HEXB: variants seen among roughly 807,000 people sequenced by gnomAD.
HEXB encodes beta-hexosaminidase subunit beta.
In HEXB, 51 loss-of-function variants were observed where a neutral mutation model predicts 71.2. That is an observed-to-expected ratio of 0.72 (90% CI 0.57 to 0.90). HEXB has a LOEUF of 0.90. HEXB is among the 40% of genes least tolerant of loss of function. HEXB has a pLI of 0.00. For missense variants in HEXB, 617 were observed against 677.0 expected (o/e 0.91, Z 0.98); for synonymous variants, 266 against 249.3 (o/e 1.07, Z -0.63).
chr5:74,661,426 T>A (rs1030809449), intron 1 of HEXB, among the ~76,000 whole-genome samples: 25 of 152,214 alleles, frequency 1.6e-4, no homozygotes, highest in Admixed American at 4.6e-4. Flanking sequence ...CATATTTTTT[T>A]AAATAATATT....
intron 1 of HEXB, among the ~76,000 whole-genome samples, chr5:74,663,203 G>GGGGT (rs1748361920): frequency 6.8e-6 from 1 of 146,652 alleles, no homozygotes; most frequent in Non-Finnish European, 1.5e-5. Flanking sequence ...GGGGGGTGGA[G>GGGGT]TGCGGTGGCG....
chr5:74,665,275 G>A (rs1366756406), intron 1 of HEXB, among the ~76,000 whole-genome samples: 4 of 152,136 alleles, frequency 2.6e-5, no homozygotes, highest in African/African-American at 7.2e-5. Context: ...AAAATGAAAA[G>A]TACATAAGTA....
At chr5:74,691,163 T>C (rs1470033349) in intron 2 of HEXB, among the ~76,000 whole-genome samples, 1 of 152,174 alleles carries the variant, frequency 6.6e-6, no homozygotes, top group Non-Finnish European at 1.5e-5. Flanking sequence ...AATAAACTAG[T>C]TTTTAGTCTT....
Position 74,720,664 on chromosome 5 carries a change from TGA to T in HEXB, c.1535_1536del (p.Arg512ThrfsTer12), listed in dbSNP as rs794727091. ...RLWPRASAVG[E>X]RLWSSKDVRD... The stretch of plus-strand genomic sequence containing the variant: ...TTAGGCCTCGGGCAAGTGCTGTTGG[TGA>T]GAGACTCTGGAGTTCCAAAGATGTC... On this transcript the variant is annotated frameshift_variant, in exon 13 of 14. Coordinates refer to ENST00000261416, the MANE Select transcript of HEXB (RefSeq NM_000521.4). LOFTEE classifies it high-confidence loss of function. The T allele has an allele frequency of 3.7e-6, 6 of 1,614,052 alleles. No individual in the cohort carries two copies. The Admixed American group carries it at 6.7e-5, about 18-fold the overall frequency.
intron 1 of HEXB, among the ~76,000 whole-genome samples, chr5:74,672,128 C>G (rs996696421): frequency 6.6e-6 from 1 of 152,176 alleles, no homozygotes; most frequent in African/African-American, 2.4e-5. Context: ...CCCACCCTGA[C>G]CCCTCTCTAG....
At chr5:74,712,433 TAATAAA>T (rs1402283411) in intron 6 of HEXB, among the ~76,000 whole-genome samples, 1 of 143,278 alleles carries the variant, frequency 7.0e-6, no homozygotes, top group African/African-American at 2.8e-5. Flanking sequence ...AGTATGATAA[TAATAAA>T]AAAAAGAAAT....
chr5:74,683,890 A>G (rs1748786831), upstream of HEXB, among the ~76,000 whole-genome samples: 3 of 148,386 alleles, frequency 2.0e-5, no homozygotes, highest in Admixed American at 6.8e-5. Context: ...GTGTGATCTC[A>G]GCTCACTAAA....
chr5:74,643,954 C>T, intron 1 of HEXB, among the ~76,000 whole-genome samples: 1 of 152,210 alleles, frequency 6.6e-6, no homozygotes, highest in Non-Finnish European at 1.5e-5. Flanking sequence ...AGCTTTCCTT[C>T]CCCGAGTTAT....
At chr5:74,686,705 A>C (rs1204096367) in intron 1 of HEXB, among the ~76,000 whole-genome samples, 1 of 152,322 alleles carries the variant, frequency 6.6e-6, no homozygotes, top group African/African-American at 2.4e-5. Flanking sequence ...ACACACACTA[A>C]TGAGCCTTTG....
intron 1 of HEXB, among the ~76,000 whole-genome samples, chr5:74,688,413 C>T (rs1325791306): frequency 6.6e-6 from 1 of 151,660 alleles, no homozygotes; most frequent in Admixed American, 6.6e-5. Flanking sequence ...CTCACTGCTG[C>T]AACCTCCACC....
intron 1 of HEXB, among the ~76,000 whole-genome samples, chr5:74,679,482 T>G (rs1748697702): frequency 6.6e-6 from 1 of 152,108 alleles, no homozygotes; most frequent in Admixed American, 6.5e-5. Flanking sequence ...ACTTCTAGCA[T>G]GTGAGCAGAG....
rs774051879 is a variant in HEXB at position 74,689,454 on chromosome 5, C to T, written c.426C>T (p.Asn142=). The change falls in exon 2 of 14, where the codon AAC becomes AAT. Residue 142 remains asparagine (N), a synonymous_variant. Transcript: ENST00000261416. ...TLQSECDAFP[N]ISSDESYTLL... Reference sequence around the variant, plus strand: ...AGTCAGAGTGTGATGCTTTCCCCAACATATCTTCAGATGAGTCTTGTAAGT... The same window carrying T: ...AGTCAGAGTGTGATGCTTTCCCCAATATATCTTCAGATGAGTCTTGTAAGT... The T allele has an allele frequency of 6.2e-7, 1 of 1,613,482 alleles. No individual in the cohort carries two copies. The highest frequency in any genetic ancestry group is 1.3e-5 in the African/African-American group (1 of 75,036).
intron 6 of HEXB, among the ~76,000 whole-genome samples, chr5:74,706,801 A>T (rs763408846): frequency 2.6e-5 from 4 of 152,122 alleles, no homozygotes; most frequent in Non-Finnish European, 5.9e-5. Context: ...GGGAAGCTCC[A>T]CCTGGGTGGA....
At chr5:74,699,360 C>T (rs1400934855) in intron 5 of HEXB, among the ~76,000 whole-genome samples, 3 of 151,750 alleles carry the variant, frequency 2.0e-5, no homozygotes, top group Admixed American at 6.6e-5. Context: ...CTGCTACCTC[C>T]GCCTCCTGAG....
intron 8 of HEXB, among the ~76,000 whole-genome samples, chr5:74,716,016 CAAAAAAAAAAA>C (rs71600435): frequency 1.5e-5 from 1 of 64,858 alleles, no homozygotes; most frequent in Non-Finnish European, 3.0e-5. Flanking sequence ...GACTCCATCT[CAAAAAAAAAAA>C]AAAAAAAAAA....
rs547966742 is a variant in HEXB at position 74,686,143 on chromosome 5, A to C, written c.299+584A>C. ...GACTACGTTTCTGCGGTCAGTGGTT[A>C]GGCAGTATCCAACTTTGTTTCTCAA... On this transcript the variant is annotated intron_variant, in intron 1 of 13. Transcript: ENST00000261416. 1.4e-3 allele frequency among the ~76,000 whole-genome samples: 193 copies of C among 140,408 alleles called. 1 individual carries two copies. The highest frequency in any genetic ancestry group is 0.011 in the Middle Eastern group (3 of 264). The allele number at this position is 140,408 out of a possible 152,430, so 92.1% of individuals were successfully genotyped here. A position where few individuals can be genotyped will look rare whatever the true frequency, so the allele number is the denominator to read the frequency against.
intron 1 of HEXB, among the ~76,000 whole-genome samples, chr5:74,649,076 C>T (rs1748055860): frequency 6.6e-6 from 1 of 151,892 alleles, no homozygotes; most frequent in Non-Finnish European, 1.5e-5. Flanking sequence ...TGTGTGTAGA[C>T]CCTTGTGGAT....
chr5:74,658,916 A>G (rs1748269359), intron 1 of HEXB, among the ~76,000 whole-genome samples: 2 of 152,126 alleles, frequency 1.3e-5, no homozygotes, highest in South Asian at 2.1e-4. Flanking sequence ...AGTAAGGCCA[A>G]TCTTAGGTAC....
At chr5:74,699,424 A>G (rs936558441) in intron 5 of HEXB, among the ~76,000 whole-genome samples, 2 of 151,910 alleles carry the variant, frequency 1.3e-5, no homozygotes, top group South Asian at 2.1e-4. Flanking sequence ...ACAGGTGCCC[A>G]CCACCACACC....
Sources: gnomAD v4.1 joint callset for allele counts (sites outside exome capture counted in the v4.1 genomes callset) on GRCh38, gnomAD v4.1.1 for gene constraint, MANE v1.5 for transcripts, NCBI Gene and HGNC (gene_info 2026-07-23, HGNC 2026-07-21) for gene names.